IPMK: variants seen among roughly 807,000 people sequenced by gnomAD.
IPMK encodes the protein inositol polyphosphate multikinase.
A neutral mutation model predicts 45.8 loss-of-function variants in IPMK; 17 were observed. The ratio of observed to expected loss-of-function variants is 0.37; its 90% CI spans 0.25 to 0.56. The LOEUF is 0.56. Ranked by LOEUF, IPMK falls within the 20% of genes least tolerant of loss-of-function variation. The pLI is 0.79. For missense variants in IPMK, 399 were observed against 498.0 expected, an observed-to-expected ratio of 0.80 and a Z score of 1.89; for synonymous variants, 180 against 184.3, an observed-to-expected ratio of 0.98 and a Z score of 0.19.
At chr10:58,213,578 G>A (rs761596092) in intron 4 of IPMK, among the ~76,000 whole-genome samples, 1 of 151,936 alleles carries the variant, frequency 6.6e-6, no homozygotes, top group Non-Finnish European at 1.5e-5. Context: ...TCCCAGCTAC[G>A]CGGTAGGCTG....
At chr10:58,198,151 C>G (rs562048737) in intron 5 of IPMK, among the ~76,000 whole-genome samples, 46 of 152,246 alleles carry the variant, frequency 3.0e-4, no homozygotes, top group African/African-American at 1.0e-3. Context: ...AATACCAAAC[C>G]ATAACTCTAC....
At chr10:58,205,350 GTCTGAATAGACAT>G (rs1838055773) in intron 4 of IPMK, among the ~76,000 whole-genome samples, 1 of 152,078 alleles carries the variant, frequency 6.6e-6, no homozygotes, top group African/African-American at 2.4e-5. Flanking sequence ...AAAACAAAAT[GTCTGAATAGACAT>G]TTTTCCAAAG....
chr10:58,237,814 C>A lies in IPMK; in HGVS notation c.191G>T (p.Gly64Val). ...TGTGCCATCTGGATGTTGCAGTATA[C>A]CTATGGAACAAAAATCAGAAATTGT... is the stretch of plus-strand genomic sequence containing the variant. ...AGHMYGKDKV[G>V]ILQHPDGTVL... The change falls in exon 2 of 6, where the codon GGT becomes GTT. Residue 64 changes from glycine to valine, a missense_variant and splice_region_variant. By Grantham distance (109) the Gly-to-Val change is moderately radical. This residue lies in a region of IPMK where 111 missense variants were observed against 99.9 expected (regional missense o/e 1.11). Transcript: ENST00000373935. 6.2e-7 allele frequency: 1 copy of A among 1,610,512 alleles called. No homozygotes were observed. The highest frequency in any genetic ancestry group is 8.5e-7 in the Non-Finnish European group (1 of 1,176,872).
chr10:58,264,879 T>G (rs1229204273), intron 1 of IPMK, among the ~76,000 whole-genome samples: 5 of 152,142 alleles, frequency 3.3e-5, no homozygotes, highest in Non-Finnish European at 7.4e-5. Context: ...AGAACCGCGC[T>G]AATGTGTTTA....
chr10:58,217,190 A>T (rs1838256697), intron 3 of IPMK, among the ~76,000 whole-genome samples: 1 of 131,566 alleles, frequency 7.6e-6, no homozygotes. Flanking sequence ...GAACACAGGC[A>T]TTCCCCAAAA....
chr10:58,252,013 TTG>T (rs1343556112), intron 1 of IPMK, among the ~76,000 whole-genome samples: 1 of 152,244 alleles, frequency 6.6e-6, no homozygotes, highest in Non-Finnish European at 1.5e-5. Flanking sequence ...TACTGCCATT[TTG>T]TTAGTTGTTT....
At chr10:58,215,392 T>A (rs1299616050) in intron 4 of IPMK, among the ~76,000 whole-genome samples, 1 of 151,908 alleles carries the variant, frequency 6.6e-6, no homozygotes, top group Non-Finnish European at 1.5e-5. Flanking sequence ...CCTATTTTTT[T>A]TTTTTGGTAG....
intron 5 of IPMK, 27 bp from the exon 6 acceptor site, chr10:58,196,725 T>C (rs752811210): frequency 2.8e-6 from 4 of 1,420,778 alleles, no homozygotes; most frequent in Non-Finnish European, 3.8e-6. Context: ...ATGAGCGTTA[T>C]AATCAAATTA....
intron 1 of IPMK, among the ~76,000 whole-genome samples, chr10:58,260,161 T>C (rs1839041030): frequency 6.6e-6 from 1 of 152,172 alleles, no homozygotes; most frequent in African/African-American, 2.4e-5. Context: ...CAAAAATGCA[T>C]AATCTGAATA....
At chr10:58,243,989 G>A (rs539534127) in intron 1 of IPMK, among the ~76,000 whole-genome samples, 10 of 148,792 alleles carry the variant, frequency 6.7e-5, no homozygotes, top group Non-Finnish European at 1.0e-4. Flanking sequence ...GCGCCGCCCC[G>A]TCTGGGAGGG....
intron 4 of IPMK, among the ~76,000 whole-genome samples, chr10:58,207,229 T>C (rs1297422048): frequency 6.6e-6 from 1 of 152,214 alleles, no homozygotes; most frequent in Non-Finnish European, 1.5e-5. Context: ...GGTCTCGATC[T>C]CCTGACCTTG....
intron 5 of IPMK, among the ~76,000 whole-genome samples, chr10:58,197,197 C>T (rs546211765): frequency 4.0e-5 from 6 of 150,974 alleles, no homozygotes; most frequent in East Asian, 3.9e-4. Flanking sequence ...CTACTCCGGA[C>T]GCTGAGGCAG....
chr10:58,255,630 C>T (rs1838954205), intron 1 of IPMK, among the ~76,000 whole-genome samples: 1 of 151,974 alleles, frequency 6.6e-6, no homozygotes, highest in African/African-American at 2.4e-5. Context: ...ATATCACCAT[C>T]TAGGTAATTT....
intron 2 of IPMK, among the ~76,000 whole-genome samples, chr10:58,236,123 G>T (rs890738089): frequency 6.6e-6 from 1 of 151,684 alleles, no homozygotes; most frequent in African/African-American, 2.4e-5. Flanking sequence ...TAGAGACGGG[G>T]TTTCACCATG....
intron 2 of IPMK, among the ~76,000 whole-genome samples, chr10:58,233,690 T>C (rs527676943): frequency 5.3e-4 from 80 of 152,274 alleles, no homozygotes; most frequent in Admixed American, 2.6e-3. Flanking sequence ...GAGCTATTTA[T>C]GACAAGCCCA....
intron 1 of IPMK, among the ~76,000 whole-genome samples, chr10:58,252,264 C>T (rs1226877311): frequency 6.6e-6 from 1 of 152,160 alleles, no homozygotes; most frequent in Non-Finnish European, 1.5e-5. Context: ...AAACTCTATA[C>T]TTTAACACCA....
chr10:58,258,186 T>G (rs768490883), intron 1 of IPMK, among the ~76,000 whole-genome samples: 1 of 152,224 alleles, frequency 6.6e-6, no homozygotes, highest in African/African-American at 2.4e-5. Context: ...GGTGCGTGCC[T>G]GTAATCCCAG....
rs1242255054 is a variant in IPMK, at chr10:58,216,144, C to T, written c.546+1G>A. 3 of 1,593,774 alleles carry T rather than the reference C, an allele frequency of 1.9e-6. No homozygotes were observed. The highest frequency in any genetic ancestry group is 1.4e-5 in the African/African-American group (1 of 73,532). On this transcript the variant is annotated splice_donor_variant, in intron 4 of 5. Transcript: ENST00000373935. LOFTEE classifies it high-confidence loss of function. ...CATATTATACTAATAAGCACTCTTACCCTCATGCCAAGCACCAAGAACCCA... is the reference window on the plus strand; with the variant it reads ...CATATTATACTAATAAGCACTCTTATCCTCATGCCAAGCACCAAGAACCCA...
chr10:58,199,599 A>C (rs1837968385), intron 4 of IPMK, among the ~76,000 whole-genome samples: 1 of 152,228 alleles, frequency 6.6e-6, no homozygotes, highest in Non-Finnish European at 1.5e-5. Context: ...GTTAGTCTCA[A>C]GTTTAAAGGA....
Sources: gnomAD v4.1 joint callset for allele counts (sites outside exome capture counted in the v4.1 genomes callset) on GRCh38, gnomAD v4.1.1 for gene constraint, gnomAD v4.1.1 regional missense constraint, MANE v1.5 for transcripts, NCBI Gene and HGNC (gene_info 2026-07-23, HGNC 2026-07-21) for gene names.